KIF6: variants seen among roughly 807,000 people sequenced by gnomAD.
The protein encoded by KIF6 is kinesin family member 6.
KIF6 carries 106 observed loss-of-function variants against 112.7 expected under a neutral mutation model. The ratio of observed to expected loss-of-function variants is 0.94; its 90% CI spans 0.80 to 1.11. The LOEUF (loss-of-function observed/expected upper bound fraction) is 1.11, where lower values mean the gene tolerates loss of function less well. KIF6 is among the 50% of genes least tolerant of loss of function. The probability of loss-of-function intolerance (pLI) is 0.00; values close to 1 mark genes in which losing one functional copy is unlikely to be tolerated. For missense variants in KIF6, 929 were observed against 964.0 expected (o/e 0.96, Z 0.48); for synonymous variants, 339 against 339.9 (o/e 1.00, Z 0.03).
chr6:39,364,878 G>C (rs1373309139), intron 16 of KIF6, among the ~76,000 whole-genome samples: 1 of 152,188 alleles, frequency 6.6e-6, no homozygotes. Context: ...GTTTCTACCA[G>C]ACAGCCTCCC....
chr6:39,537,157 A>G (rs1778482996), intron 13 of KIF6, among the ~76,000 whole-genome samples: 1 of 152,170 alleles, frequency 6.6e-6, no homozygotes, highest in Non-Finnish European at 1.5e-5. Flanking sequence ...AACTGGCACA[A>G]GACAGGGATG....
At chr6:39,410,390 T>C (rs1769399323) in intron 15 of KIF6, among the ~76,000 whole-genome samples, 1 of 152,212 alleles carries the variant, frequency 6.6e-6, no homozygotes, top group Admixed American at 6.5e-5. Context: ...GTTGAGAAAG[T>C]TGGTTATTTG....
chr6:39,633,344 T>C (rs1159990066), intron 5 of KIF6, among the ~76,000 whole-genome samples: 1 of 152,006 alleles, frequency 6.6e-6, no homozygotes, highest in African/African-American at 2.4e-5. Flanking sequence ...TAACATAATA[T>C]ATAGAAAAAA....
chr6:39,657,760 T>C (rs1359330337), intron 3 of KIF6, among the ~76,000 whole-genome samples: 1 of 152,254 alleles, frequency 6.6e-6, no homozygotes, highest in Non-Finnish European at 1.5e-5. Context: ...ATATTTACTG[T>C]GCACATAGGT....
In KIF6 at chr6:39,545,600, A is replaced by C. The variant is rs1161889233; in HGVS notation, c.1270T>G (p.Cys424Gly). 6.2e-7 allele frequency: 1 copy of C among 1,610,578 alleles called. No homozygotes were observed. The highest frequency in any genetic ancestry group is 8.5e-7 in the Non-Finnish European group (1 of 1,177,200). Reference protein sequence around the residue: ...VGADMRKVHHCFHHLKKLLND... With the variant: ...VGADMRKVHHGFHHLKKLLND... ...AAGTTTACCTTTAAATGATGAAAAC[A>C]GTGATGAACTTTACGCATATCCGCG... The change falls in exon 11 of 23, where the codon TGT becomes GGT. Residue 424 changes from cysteine (C) to glycine (G), a missense_variant. Around this residue, in one of 2 missense-constraint regions of KIF6, gnomAD observed 688 missense variants for 662.7 expected, o/e 1.04. Coordinates refer to ENST00000287152, the MANE Select transcript of KIF6 (RefSeq NM_145027.6).
At chr6:39,588,146 G>A (rs1030430907) in intron 7 of KIF6, among the ~76,000 whole-genome samples, 1 of 152,080 alleles carries the variant, frequency 6.6e-6, no homozygotes, top group Non-Finnish European at 1.5e-5. Flanking sequence ...TCTTGATCCT[G>A]TTTTCTGTCT....
chr6:39,655,124 T>C (rs1403669860), intron 3 of KIF6, among the ~76,000 whole-genome samples: 1 of 152,220 alleles, frequency 6.6e-6, no homozygotes, highest in East Asian at 1.9e-4. Context: ...CAAATTTTTA[T>C]TTTGCCAATT....
chr6:39,458,600 C>T (rs1436710243), intron 13 of KIF6, among the ~76,000 whole-genome samples: 2 of 144,906 alleles, frequency 1.4e-5, no homozygotes, highest in Non-Finnish European at 3.0e-5. Context: ...TTGCAGACGA[C>T]ATGATTGTTT....
At chr6:39,724,487 G>C (rs1790419615) in intron 1 of KIF6, among the ~76,000 whole-genome samples, 1 of 146,168 alleles carries the variant, frequency 6.8e-6, no homozygotes, top group African/African-American at 2.5e-5. Context: ...TGCATACAAA[G>C]TATCATTGCT....
At chr6:39,494,175 T>C (rs1775637406) in intron 13 of KIF6, among the ~76,000 whole-genome samples, 1 of 152,156 alleles carries the variant, frequency 6.6e-6, no homozygotes, top group South Asian at 2.1e-4. Context: ...GAAAGTAAGG[T>C]TTATATCTGA....
intron 16 of KIF6, among the ~76,000 whole-genome samples, chr6:39,383,343 A>G (rs1767131444): frequency 6.6e-6 from 1 of 152,178 alleles, no homozygotes; most frequent in Admixed American, 6.5e-5. Context: ...ATTTTTGTGT[A>G]TGGTTAGAGG....
At chr6:39,487,032 A>T (rs1775154262) in intron 13 of KIF6, among the ~76,000 whole-genome samples, 1 of 152,232 alleles carries the variant, frequency 6.6e-6, no homozygotes, top group Non-Finnish European at 1.5e-5. Context: ...TGTTGTTAAC[A>T]GTAACAACAA....
At chr6:39,605,603 AT>A (rs1782841566) in intron 6 of KIF6, among the ~76,000 whole-genome samples, 1 of 152,050 alleles carries the variant, frequency 6.6e-6, no homozygotes, top group Non-Finnish European at 1.5e-5. Flanking sequence ...ATGAAAAAAA[AT>A]ATATACTGTG....
At chr6:39,554,435 C>A (rs1261665007) in intron 10 of KIF6, 1 of 161,190 alleles carries the variant, frequency 6.2e-6, no homozygotes, top group South Asian at 1.7e-4. Context: ...TGCCGTCACC[C>A]TCCAGAGCCC....
intron 13 of KIF6, among the ~76,000 whole-genome samples, chr6:39,443,698 C>T (rs1772115478): frequency 6.6e-6 from 1 of 152,116 alleles, no homozygotes; most frequent in Admixed American, 6.5e-5. Flanking sequence ...CCCACCGTGA[C>T]CTCCCAAAGC....
intron 13 of KIF6, among the ~76,000 whole-genome samples, chr6:39,478,339 C>A (rs977317052): frequency 6.6e-6 from 1 of 152,200 alleles, no homozygotes; most frequent in African/African-American, 2.4e-5. Flanking sequence ...ATAATAGTCT[C>A]CAATTCCATC....
rs185125021 is a variant in KIF6, at chr6:39,724,950, C to G, written c.66+295G>C. Among the ~76,000 whole-genome samples, 298 of 152,320 alleles carry G rather than the reference C, an allele frequency of 2.0e-3. 1 individual carries two copies. The highest frequency in any genetic ancestry group is 6.6e-3 in the African/African-American group (273 of 41,586). On this transcript the variant is annotated intron_variant, in intron 1 of 22. Coordinates refer to ENST00000287152, the MANE Select transcript of KIF6 (RefSeq NM_145027.6). The stretch of plus-strand genomic sequence containing the variant: ...GCGCACACTATACAGGCATACTGAA[C>G]ATGCACTAGTCTGCCCCCGCGTGAA...
At chr6:39,713,239 A>C (rs979809377) in intron 3 of KIF6, among the ~76,000 whole-genome samples, 1 of 152,234 alleles carries the variant, frequency 6.6e-6, no homozygotes, top group Non-Finnish European at 1.5e-5. Context: ...AAGTGAACAA[A>C]GTATTTGGAG....
Position 39,342,216 on chromosome 6 carries a change from G to T in KIF6, c.2428+1493C>A, listed in dbSNP as rs1267100068. 6.6e-6 allele frequency among the ~76,000 whole-genome samples: 1 copy of T among 152,218 alleles called. No homozygotes were observed. Among genetic ancestry groups the T allele is most frequent in the African/African-American group, 2.4e-5 (1 of 41,446 alleles). ...GTAGCTGCTCCATTCTCATGATGCAGCTGTCAGTTTAAAGTTATCTTCTCC... is the reference window on the plus strand; with the variant it reads ...GTAGCTGCTCCATTCTCATGATGCATCTGTCAGTTTAAAGTTATCTTCTCC... On this transcript the variant is annotated intron_variant, in intron 22 of 22. Transcript: ENST00000287152. This position sits in a 1 kb window ranked among gnomAD's most constrained non-coding sequence, Gnocchi z 4.7.
Sources: gnomAD v4.1 joint callset for allele counts (sites outside exome capture counted in the v4.1 genomes callset) on GRCh38, gnomAD v4.1.1 for gene constraint, gnomAD v4.1.1 regional missense constraint, Gnocchi (gnomAD v3.1) non-coding constraint, MANE v1.5 for transcripts, NCBI Gene and HGNC (gene_info 2026-07-23, HGNC 2026-07-21) for gene names.